KLF12: variants seen among roughly 807,000 people sequenced by gnomAD.
KLF12 encodes KLF transcription factor 12.
Under a neutral mutation model 37.8 loss-of-function variants are expected in KLF12, and 9 were observed. That is an observed-to-expected ratio of 0.24 (90% confidence interval 0.14 to 0.42). KLF12 has a LOEUF of 0.42. KLF12 is among the 10% of genes least tolerant of loss of function. The pLI is 1.00. For missense variants in KLF12, 411 were observed against 516.0 expected (o/e 0.80, Z 1.97); for synonymous variants, 208 against 202.1 (o/e 1.03, Z -0.25).
chr13:73,738,107 A>ATATGTATGTT (rs1877624938), intron 6 of KLF12, among the ~76,000 whole-genome samples: 1 of 77,302 alleles, frequency 1.3e-5, no homozygotes, highest in Non-Finnish European at 2.6e-5. Context: ...ATATATATAT[A>ATATGTATGTT]TATATATATA....
the KLF12 span, among the ~76,000 whole-genome samples, chr13:74,177,252 A>G: frequency 5.3e-4 from 81 of 152,328 alleles, no homozygotes; most frequent in African/African-American, 1.8e-3. Flanking sequence ...TGAACTCTGA[A>G]TAGAAGGTCT....
At chr13:74,058,178 G>GC (rs1873358119) in intron 1 of KLF12, among the ~76,000 whole-genome samples, 1 of 151,440 alleles carries the variant, frequency 6.6e-6, no homozygotes, top group Admixed American at 6.6e-5. Context: ...TGTTGGCCAG[G>GC]CTGGTCTCAA....
chr13:74,059,876 T>G (rs1330446477), intron 1 of KLF12, among the ~76,000 whole-genome samples: 1 of 152,206 alleles, frequency 6.6e-6, no homozygotes, highest in Non-Finnish European at 1.5e-5. Context: ...GAGTTTTACC[T>G]TCCAGGGCTT....
the KLF12 span, among the ~76,000 whole-genome samples, chr13:74,153,463 A>G: frequency 6.6e-6 from 1 of 152,182 alleles, no homozygotes; most frequent in Non-Finnish European, 1.5e-5. Flanking sequence ...GGACTTGAAC[A>G]TGTGCTATAT....
chr13:73,849,159 G>A (rs1324629280), intron 3 of KLF12, among the ~76,000 whole-genome samples: 4 of 152,000 alleles, frequency 2.6e-5, no homozygotes, highest in Admixed American at 1.3e-4. Flanking sequence ...GAAGAAAAAC[G>A]ACCCAAAAGT....
chr13:74,045,730 C>T (rs941882871), intron 1 of KLF12, among the ~76,000 whole-genome samples: 4 of 152,056 alleles, frequency 2.6e-5, no homozygotes, highest in African/African-American at 4.8e-5. Context: ...GTCCAGCGAG[C>T]TCCCACACTC....
intron 6 of KLF12, among the ~76,000 whole-genome samples, chr13:73,733,607 T>A: frequency 6.6e-6 from 1 of 152,156 alleles, no homozygotes. Context: ...GTCTCTACCT[T>A]TTGGCTATTG....
chr13:74,229,608 C>A, the KLF12 span, among the ~76,000 whole-genome samples: 1 of 152,146 alleles, frequency 6.6e-6, no homozygotes, highest in Non-Finnish European at 1.5e-5. Context: ...TTCACTTATA[C>A]CAACACTTGG....
intron 1 of KLF12, among the ~76,000 whole-genome samples, chr13:74,047,969 T>A (rs1357971914): frequency 6.6e-6 from 1 of 152,240 alleles, no homozygotes; most frequent in Non-Finnish European, 1.5e-5. Context: ...GTATGGAAGC[T>A]GTGCTTCCCC....
intron 3 of KLF12, among the ~76,000 whole-genome samples, chr13:73,857,252 T>A (rs1409530936): frequency 6.6e-6 from 1 of 152,084 alleles, no homozygotes; most frequent in Non-Finnish European, 1.5e-5. Flanking sequence ...AGGGGCAACA[T>A]CACTGATTTA....
At chr13:74,054,327 A>G (rs979328134) in intron 1 of KLF12, among the ~76,000 whole-genome samples, 4 of 152,194 alleles carry the variant, frequency 2.6e-5, no homozygotes, top group South Asian at 2.1e-4. Context: ...TATCATTTAT[A>G]CATGATACAG....
At chr13:74,004,031 C>T (rs143547710) in intron 1 of KLF12, among the ~76,000 whole-genome samples, 10 of 152,096 alleles carry the variant, frequency 6.6e-5, no homozygotes, top group Admixed American at 2.0e-4. Flanking sequence ...AGGGCTCACA[C>T]GTATCCCCCA....
intron 5 of KLF12, among the ~76,000 whole-genome samples, chr13:73,789,747 G>A (rs973475978): frequency 4.7e-5 from 7 of 149,152 alleles, no homozygotes; most frequent in Admixed American, 2.7e-4. Context: ...TGCCATCTCC[G>A]CTCACTGCAA....
Position 74,060,460 on chromosome 13 carries a change from C to T in KLF12, c.-31-65407G>A, listed in dbSNP as rs556686645. Reference sequence around the variant, plus strand: ...TTCTTAAGAAGACATCTTTCGCCTCCGTGGTTAAATGTATACCTAGGTTTT... The same window carrying T: ...TTCTTAAGAAGACATCTTTCGCCTCTGTGGTTAAATGTATACCTAGGTTTT... On this transcript the variant is annotated intron_variant, in intron 1 of 7. Coordinates refer to ENST00000377669, the MANE Select transcript of KLF12 (RefSeq NM_007249.5). Among the ~76,000 whole-genome samples, 8 of 137,418 alleles carry T rather than the reference C, an allele frequency of 5.8e-5. No individual in the cohort carries two copies. In the East Asian group the frequency reaches 1.7e-3, roughly 29 times the overall value. The allele number at this position is 137,418 out of a possible 152,430, so 90.2% of individuals were successfully genotyped here. A position where few individuals can be genotyped will look rare whatever the true frequency, so the allele number is the denominator to read the frequency against.
chr13:74,142,545 C>G, the KLF12 span, among the ~76,000 whole-genome samples: 3 of 152,186 alleles, frequency 2.0e-5, no homozygotes, highest in African/African-American at 7.2e-5. Context: ...CTTCCATACC[C>G]TCCCTTACAA....
At chr13:73,906,736 G>A (rs2139122195) in intron 3 of KLF12, among the ~76,000 whole-genome samples, 1 of 152,244 alleles carries the variant, frequency 6.6e-6, no homozygotes, top group South Asian at 2.1e-4. Flanking sequence ...AAAAATGATT[G>A]TGACCTGCCT....
chr13:73,984,439 G>A (rs1008632693), intron 2 of KLF12, among the ~76,000 whole-genome samples: 3 of 152,118 alleles, frequency 2.0e-5, no homozygotes, highest in Admixed American at 2.0e-4. Context: ...CTCAGGGAAG[G>A]GTGCCAGCTT....
chr13:74,108,013 G>A (rs1411163456), intron 1 of KLF12, among the ~76,000 whole-genome samples: 1 of 152,080 alleles, frequency 6.6e-6, no homozygotes, highest in African/African-American at 2.4e-5. Context: ...GCAAATGCTG[G>A]CTAAGTTTTC....
intron 2 of KLF12, among the ~76,000 whole-genome samples, chr13:73,947,747 A>G (rs947306530): frequency 1.3e-5 from 2 of 151,814 alleles, no homozygotes; most frequent in South Asian, 2.1e-4. Context: ...GTTGATCCCA[A>G]CATCTCAAAA....
Sources: gnomAD v4.1 joint callset for allele counts (sites outside exome capture counted in the v4.1 genomes callset) on GRCh38, gnomAD v4.1.1 for gene constraint, MANE v1.5 for transcripts, NCBI Gene and HGNC (gene_info 2026-07-23, HGNC 2026-07-21) for gene names.